CDC25B: variants seen among roughly 807,000 people sequenced by gnomAD.
CDC25B encodes the protein cell division cycle 25B, also known as M-phase inducer phosphatase 2.
CDC25B carries 33 observed loss-of-function variants against 69.8 expected under a neutral mutation model. The ratio of observed to expected loss-of-function variants is 0.47; its 90% confidence interval spans 0.36 to 0.63. The LOEUF (loss-of-function observed/expected upper bound fraction) is 0.63. Among genes scored for constraint, CDC25B ranks in the 30% least tolerant of loss-of-function variants. The pLI is 0.00. For synonymous variants in CDC25B, 341 were observed against 314.6 expected, an observed-to-expected ratio of 1.08 and a Z score of -0.89; for missense variants, 727 against 809.1, an observed-to-expected ratio of 0.90 and a Z score of 1.23.
rs2089371745 is a variant in CDC25B, at chr20:3,803,671, C to T, written c.1490+134C>T. 1 of 1,101,334 alleles carries T rather than the reference C, an allele frequency of 9.1e-7. No homozygotes were observed. Among genetic ancestry groups the T allele is most frequent in the Non-Finnish European group, 1.3e-6 (1 of 764,680 alleles). 68.2% of individuals were successfully genotyped at this position (1,101,334 alleles called of 1,614,324 possible). Reference sequence around the variant, plus strand: ...CTCTGTCCCATCTGATGGCCTAGAGCTGACCTCAGCCCCACTTCACTGTGC... The same window carrying T: ...CTCTGTCCCATCTGATGGCCTAGAGTTGACCTCAGCCCCACTTCACTGTGC... On this transcript the variant is annotated intron_variant, in intron 14 of 15. Transcript: ENST00000245960. The surrounding 1 kb of genome is among the most constrained non-coding windows in gnomAD (Gnocchi z 4.9).
At chr20:3,796,924 C>T (rs974310545) in intron 1 of CDC25B, among the ~76,000 whole-genome samples, 193 bp downstream of exon 1, 16 of 152,090 alleles carry the variant, frequency 1.1e-4, no homozygotes, top group African/African-American at 3.9e-4. Flanking sequence ...GCTGTGCCCC[C>T]CACACCTCCA....
Position 3,804,679 on chromosome 20 carries a change from C to T in CDC25B, c.1601C>T (p.Pro534Leu), listed in dbSNP as rs760533388. Residue 534 changes from proline to leucine, a missense_variant and splice_region_variant, in exon 15 of 16, where the codon CCG (proline) becomes CTG (leucine). By Grantham distance (98) the Pro-to-Leu change is moderately conservative (BLOSUM62 -3). Around this residue, in one of 2 missense-constraint regions of CDC25B, gnomAD observed 359 missense variants for 463.4 expected, o/e 0.77. Transcript: ENST00000245960. ...GGYKEFFPQH[P>L]NFCEPQDYRP... ...TACAAGGAGTTCTTCCCTCAGCACC[C>T]GGTAGCGTGGGTGGGGAAGGCCACA... 15 of 1,442,378 alleles carry T rather than the reference C, an allele frequency of 1.0e-5. No individual in the cohort carries two copies. Among genetic ancestry groups the T allele is most frequent in the South Asian group, 3.4e-5 (3 of 88,630 alleles). The allele number at this position is 1,442,378 out of a possible 1,614,324, so 89.3% of individuals were successfully genotyped here. A position where few individuals can be genotyped will look rare whatever the true frequency, so the allele number is the denominator to read the frequency against.
In CDC25B at chr20:3,804,843, A is replaced by C; in HGVS notation, c.1625A>C (p.Tyr542Ser). 6.2e-7 allele frequency: 1 copy of C among 1,614,154 alleles called. No homozygotes were observed. The highest frequency in any genetic ancestry group is 8.5e-7 in the Non-Finnish European group (1 of 1,180,016). The change falls in exon 16 of 16, where the codon TAC (tyrosine) becomes TCC (serine). Residue 542 changes from tyrosine (Y) to serine (S), a missense_variant. Transcript: ENST00000245960. The part of the protein sequence containing the change: ...QHPNFCEPQD[Y>S]RPMNHEAFKD... ...TAGAACTTCTGTGAACCCCAGGACT[A>C]CCGGCCCATGAACCACGAGGCCTTC...
chr20:3,796,277 A>C, upstream of CDC25B: 2 of 1,323,856 alleles, frequency 1.5e-6, no homozygotes, highest in Non-Finnish European at 1.9e-6. Flanking sequence ...TATTTTTCGA[A>C]TATATAAGGA....
At chr20:3,797,284 G>A (rs1401844288) in intron 1 of CDC25B, among the ~76,000 whole-genome samples, 3 of 152,200 alleles carry the variant, frequency 2.0e-5, no homozygotes, top group Non-Finnish European at 4.4e-5. Flanking sequence ...AAAGGTGGGG[G>A]TCTGACAGTT....
Position 3,804,945 on chromosome 20 carries a change from G to A in CDC25B, c.1727G>A (p.Arg576Gln), listed in dbSNP as rs760737511. Reference protein sequence around the residue: ...GERSRRELCSRLQDQ With the variant: ...GERSRRELCSQLQDQ ...CGGAGCCGGCGGGAGCTCTGTAGCC[G>A]GCTGCAGGACCAGTGAGGGGCCTGC... Residue 576 changes from arginine to glutamine, a missense_variant, in exon 16 of 16, where the codon CGG (arginine) becomes CAG (glutamine). Physicochemically the swap from Arg to Gln is conservative, Grantham distance 43. Around this residue, in one of 2 missense-constraint regions of CDC25B, gnomAD observed 359 missense variants for 463.4 expected, o/e 0.77. Transcript: ENST00000245960. The A allele has an allele frequency of 2.2e-5, 35 of 1,612,736 alleles. No homozygotes were observed. The highest frequency in any genetic ancestry group is 9.9e-5 in the South Asian group (9 of 91,076).
chr20:3,800,114 C>T (rs1404464102), intron 3 of CDC25B, among the ~76,000 whole-genome samples, 174 bp from the exon 4 acceptor site: 1 of 152,090 alleles, frequency 6.6e-6, no homozygotes, highest in Admixed American at 6.5e-5. Context: ...TCTTCCCCCT[C>T]CCCAATACCT....
chr20:3,795,743 T>A, upstream of CDC25B: 2 of 985,546 alleles, frequency 2.0e-6, no homozygotes, highest in Non-Finnish European at 2.4e-6. Context: ...GACGTTTTGC[T>A]GCTGCTCAGC....
upstream of CDC25B, among the ~76,000 whole-genome samples, chr20:3,793,867 C>T (rs1322675991): frequency 2.7e-5 from 4 of 150,196 alleles, no homozygotes; most frequent in Non-Finnish European, 3.0e-5. Flanking sequence ...TTTGTTCTTG[C>T]GATAGTTTAC....
chr20:3,799,541 G>A (rs1269195398), intron 3 of CDC25B, among the ~76,000 whole-genome samples: 2 of 145,418 alleles, frequency 1.4e-5, no homozygotes, highest in East Asian at 3.9e-4. Context: ...CGCGCGCGTA[G>A]ATGCACAAAA....
Position 3,803,409 on chromosome 20 carries a change from G to T in CDC25B, c.1362G>T (p.Ala454=). ...YEYEGGHIKT[A]VNLPLERDAE... The stretch of plus-strand genomic sequence containing the variant: ...ACCTCTGGCTCCTCTGACAGACTGC[G>T]GTGAACTTGCCCCTGGAACGCGACG... Residue 454 remains alanine (A), a synonymous_variant, in exon 14 of 16, where the codon GCG becomes GCT. Transcript: ENST00000245960. The surrounding 1 kb of genome is among the most constrained non-coding windows in gnomAD (Gnocchi z 4.9). The T allele has an allele frequency of 6.2e-7, 1 of 1,614,078 alleles. No homozygotes were observed. The highest frequency in any genetic ancestry group is 8.5e-7 in the Non-Finnish European group (1 of 1,179,996).
At position 3,798,020 on chromosome 20, in the gene CDC25B, C is replaced by G. The variant is rs536473565; in HGVS notation, c.328+271C>G. Among the ~76,000 whole-genome samples the G allele has an allele frequency of 9.1e-4, 138 of 152,322 alleles. 2 individuals are homozygous for G. Among genetic ancestry groups the G allele is most frequent in the Admixed American group, 9.0e-3 (138 of 15,306 alleles). On this transcript the variant is annotated intron_variant, in intron 2 of 15. Transcript: ENST00000245960. ...CTATGTAAAACCACGCTCCAGAGTT[C>G]CTAAACCACAACCCTACCTGGGAAG...
rs1400395211 is a variant in CDC25B, at chr20:3,805,542, T to C, written c.*581T>C. ...GCTCTTACTCTTTCCTATTTCAGTGTTACCTGTGTGCTTGGTCTGTTTGAC... is the reference window on the plus strand; with the variant it reads ...GCTCTTACTCTTTCCTATTTCAGTGCTACCTGTGTGCTTGGTCTGTTTGAC... On this transcript the variant is annotated 3_prime_UTR_variant, in exon 16 of 16. Transcript: ENST00000245960. 2.6e-6 allele frequency: 1 copy of C among 383,888 alleles called. No individual in the cohort carries two copies. The allele number at this position is 383,888 out of a possible 1,614,324, so 23.8% of individuals were successfully genotyped here.
chr20:3,790,379 T>TTA (rs930934951), intron 1 of CDC25B, among the ~76,000 whole-genome samples: 3 of 148,212 alleles, frequency 2.0e-5, no homozygotes, highest in Non-Finnish European at 4.5e-5. Flanking sequence ...TTTTGGAATT[T>TTA]TTTTTTTTTT....
At chr20:3,801,229 C>G in intron 7 of CDC25B, 25 bp from the exon 8 acceptor site, 1 of 1,611,716 alleles carries the variant, frequency 6.2e-7, no homozygotes, top group Non-Finnish European at 8.5e-7. Flanking sequence ...ACCTCTAAGT[C>G]TGTGTCTGTC....
intron 14 of CDC25B, 41 bp from the exon 15 acceptor site, chr20:3,804,528 G>C (rs1212652066): frequency 5.4e-6 from 7 of 1,305,886 alleles, no homozygotes; most frequent in African/African-American, 1.5e-5. Flanking sequence ...ACAAGCCACT[G>C]CATGCCCCAC....
In CDC25B at chr20:3,796,310, A is replaced by G. The variant is rs1438499488; in HGVS notation, c.-222A>G. On this transcript the variant is annotated 5_prime_UTR_variant, in exon 1 of 16. Coordinates refer to ENST00000245960, the MANE Select transcript of CDC25B (RefSeq NM_021873.4). ...GGAGGTGGAAGTGGCAGCTGCAACT[A>G]GAGGCTTCCCTGGCTGGTGCCTGAG... 2.1e-5 allele frequency: 29 copies of G among 1,364,754 alleles called. No homozygotes were observed. Among genetic ancestry groups the G allele is most frequent in the East Asian group, 6.2e-5 (2 of 32,048 alleles). 84.5% of individuals were successfully genotyped at this position (1,364,754 alleles called of 1,614,324 possible).
chr20:3,801,541 A>G (rs1163064263), intron 8 of CDC25B, 153 bp downstream of exon 8: 3 of 1,128,932 alleles, frequency 2.7e-6, no homozygotes, highest in Non-Finnish European at 2.5e-6. Flanking sequence ...CCTCTGGCCA[A>G]TGAGAGAAGA....
upstream of CDC25B, among the ~76,000 whole-genome samples, chr20:3,794,332 C>G (rs2088971935): frequency 6.6e-6 from 1 of 151,266 alleles, no homozygotes; most frequent in Admixed American, 6.6e-5. Context: ...TTTTGATTTG[C>G]ATTTCTCTGA....
Sources: gnomAD v4.1 joint callset for allele counts (sites outside exome capture counted in the v4.1 genomes callset) on GRCh38, gnomAD v4.1.1 for gene constraint, gnomAD v4.1.1 regional missense constraint, Gnocchi (gnomAD v3.1) non-coding constraint, MANE v1.5 for transcripts, NCBI Gene and HGNC (gene_info 2026-07-23, HGNC 2026-07-21) for gene names.